Variants in MBP observed in about 807,000 individuals in gnomAD.
MBP encodes the protein myelin basic protein.
MBP carries 16 observed loss-of-function variants against 35.8 expected under a neutral mutation model. The observed-to-expected ratio is 0.45, with a 90% CI of 0.30 to 0.68. The LOEUF (loss-of-function observed/expected upper bound fraction) is 0.68, where lower values mean the gene tolerates loss of function less well. MBP is among the 30% of genes least tolerant of loss of function. MBP has a pLI of 0.08. For missense variants in MBP, 380 were observed against 404.7 expected (o/e 0.94, Z 0.52); for synonymous variants, 143 against 159.6 (o/e 0.90, Z 0.78).
intron 2 of MBP, among the ~76,000 whole-genome samples, chr18:77,079,960 GC>G (rs1974825253): frequency 6.6e-6 from 1 of 152,180 alleles, no homozygotes; most frequent in Non-Finnish European, 1.5e-5. Flanking sequence ...AGTGCAAGAA[GC>G]GAGAATCAAG....
intron 2 of MBP, among the ~76,000 whole-genome samples, chr18:77,086,635 T>C (rs1393083071): frequency 1.3e-5 from 2 of 152,192 alleles, no homozygotes; most frequent in South Asian, 4.1e-4. Context: ...AAACAATACT[T>C]CTATTTTAAG....
intron 3 of MBP, among the ~76,000 whole-genome samples, chr18:77,053,822 G>A (rs373744732): frequency 5.3e-5 from 8 of 152,374 alleles, no homozygotes; most frequent in South Asian, 2.1e-4. Context: ...CCGGGCCTGC[G>A]TCTAGGTGCT....
intron 1 of MBP, among the ~76,000 whole-genome samples, chr18:77,124,883 C>G (rs1415057335): frequency 6.6e-6 from 1 of 152,144 alleles, no homozygotes; most frequent in African/African-American, 2.4e-5. Context: ...AAATTTTGTT[C>G]CTTAAATCTT....
chr18:77,111,459 G>C (rs1976447431), intron 1 of MBP, among the ~76,000 whole-genome samples: 2 of 152,270 alleles, frequency 1.3e-5, no homozygotes, highest in African/African-American at 4.8e-5. Context: ...CCAGAGGATT[G>C]TCGTGCCCCT....
intron 2 of MBP, 63 bp downstream of exon 2, chr18:77,105,148 C>A: frequency 6.5e-7 from 1 of 1,537,964 alleles, no homozygotes; most frequent in South Asian, 1.1e-5. Flanking sequence ...TCTGACACAC[C>A]AAGGGGATTT....
At chr18:77,011,974 G>A (rs1971379647) in intron 4 of MBP, among the ~76,000 whole-genome samples, 1 of 152,184 alleles carries the variant, frequency 6.6e-6, no homozygotes, top group Admixed American at 6.5e-5. Flanking sequence ...TCACCGATCA[G>A]AATTGCCTGT....
intron 3 of MBP, among the ~76,000 whole-genome samples, chr18:77,040,585 G>T (rs1325011204): frequency 3.3e-5 from 5 of 152,144 alleles, no homozygotes; most frequent in African/African-American, 1.2e-4. Context: ...CAACAGATAT[G>T]TAGACCAATG....
At chr18:77,071,722 G>T (rs1974458903) in intron 2 of MBP, among the ~76,000 whole-genome samples, 1 of 152,128 alleles carries the variant, frequency 6.6e-6, no homozygotes, top group Admixed American at 6.5e-5. Context: ...ACCCTGCTCA[G>T]GAGCTGAGCA....
chr18:77,120,739 T>C (rs529860585), intron 1 of MBP, among the ~76,000 whole-genome samples: 83 of 152,328 alleles, frequency 5.4e-4, no homozygotes, highest in South Asian at 6.2e-4. Flanking sequence ...GGAGCTGTCC[T>C]CTGAGCACAG....
intron 2 of MBP, among the ~76,000 whole-genome samples, chr18:77,072,543 C>T (rs540123371): frequency 6.6e-6 from 1 of 152,350 alleles, no homozygotes; most frequent in South Asian, 2.1e-4. Flanking sequence ...TCATACTTTT[C>T]TATGTGGTCA....
chr18:77,086,714 C>A (rs1268935463), intron 2 of MBP, among the ~76,000 whole-genome samples: 1 of 152,204 alleles, frequency 6.6e-6, no homozygotes, highest in Non-Finnish European at 1.5e-5. Context: ...CACATTATTA[C>A]AAGCTCAAGA....
At chr18:77,008,362 G>A (rs908822340) in intron 4 of MBP, among the ~76,000 whole-genome samples, 3 of 152,162 alleles carry the variant, frequency 2.0e-5, no homozygotes, top group African/African-American at 7.2e-5. Flanking sequence ...CCTCCCAGAA[G>A]GACGGGGGAC....
At chr18:77,104,779 A>G (rs1224225756) in intron 2 of MBP, among the ~76,000 whole-genome samples, 2 of 152,240 alleles carry the variant, frequency 1.3e-5, no homozygotes, top group Admixed American at 6.5e-5. Flanking sequence ...AAAGGAATTT[A>G]CAATCTCTTT....
intron 1 of MBP, among the ~76,000 whole-genome samples, chr18:77,105,677 G>A (rs895344950): frequency 6.6e-6 from 1 of 152,186 alleles, no homozygotes; most frequent in Non-Finnish European, 1.5e-5. Flanking sequence ...TATGAGATGA[G>A]CTGAGATGTC....
intron 4 of MBP, among the ~76,000 whole-genome samples, chr18:77,010,886 T>C (rs1329539271): frequency 2.6e-5 from 4 of 152,118 alleles, no homozygotes; most frequent in Middle Eastern, 3.2e-3. Flanking sequence ...TACAGCAAAA[T>C]GAAGACAGAG....
chr18:77,100,338 T>G (rs751093119), intron 2 of MBP, among the ~76,000 whole-genome samples: 4 of 152,206 alleles, frequency 2.6e-5, no homozygotes, highest in Admixed American at 6.5e-5. Context: ...AGATTTCCAG[T>G]CTTCTGGACT....
At chr18:77,024,286 T>C (rs1051584190) in intron 3 of MBP, among the ~76,000 whole-genome samples, 3 of 151,116 alleles carry the variant, frequency 2.0e-5, no homozygotes, top group Non-Finnish European at 2.9e-5. Context: ...ATTGTTAGTG[T>C]ATTTTATGTG....
At chr18:77,106,329 T>C (rs561850249) in intron 1 of MBP, among the ~76,000 whole-genome samples, 43 of 152,318 alleles carry the variant, frequency 2.8e-4, no homozygotes, top group African/African-American at 9.6e-4. Flanking sequence ...CCATCTCCCA[T>C]GTTACCGGGG....
rs57715344 is a variant in MBP at position 77,100,508 on chromosome 18, G to GGT, written c.51+4701_51+4702dup. On this transcript the variant is annotated intron_variant, in intron 2 of 8. Coordinates refer to ENST00000355994, the MANE Select transcript of MBP (RefSeq NM_001025101.2). ...TAGCGCTGGCCTAGATAGAATTTGG[G>GGT]GTGTGTGTGTGTGTGTGTGTGTGTG... Among the ~76,000 whole-genome samples, 594 of 133,682 alleles carry GGT rather than the reference G, an allele frequency of 4.4e-3. 12 individuals carry two copies. The highest frequency in any genetic ancestry group is 0.038 in the East Asian group (187 of 4,866). 87.7% of individuals were successfully genotyped at this position (133,682 alleles called of 152,430 possible). A position where few individuals can be genotyped will look rare whatever the true frequency, so the allele number is the denominator to read the frequency against.
Sources: allele counts gnomAD v4.1 joint callset (sites outside exome capture counted in the v4.1 genomes callset), GRCh38; gene constraint gnomAD v4.1.1; transcripts MANE v1.5; gene names NCBI Gene and HGNC (gene_info 2026-07-23, HGNC 2026-07-21).